The following ZMAT3 variants were observed in gnomAD, a reference collection of about 807,000 sequenced individuals.
ZMAT3 encodes zinc finger matrin-type protein 3.
ZMAT3 carries 17 observed loss-of-function variants against 32.3 expected under a neutral mutation model. That is an observed-to-expected ratio of 0.53 (90% CI 0.36 to 0.79). The LOEUF (loss-of-function observed/expected upper bound fraction) is 0.79, where lower values mean the gene tolerates loss of function less well. Among genes scored for constraint, ZMAT3 ranks in the 30% least tolerant of loss-of-function variants. ZMAT3 has a pLI of 0.00. For synonymous variants in ZMAT3, 120 were observed against 133.1 expected, an observed-to-expected ratio of 0.90 and a Z score of 0.68; for missense variants, 329 against 359.7, an observed-to-expected ratio of 0.91 and a Z score of 0.69.
At chr3:179,028,525 A>G (rs1447354243) in intron 3 of ZMAT3, among the ~76,000 whole-genome samples, 1 of 152,216 alleles carries the variant, frequency 6.6e-6, no homozygotes, top group Non-Finnish European at 1.5e-5. Context: ...AAACAGCATC[A>G]TTTCACTTGG....
intron 2 of ZMAT3, among the ~76,000 whole-genome samples, chr3:179,060,982 T>C (rs1721125279): frequency 6.6e-6 from 1 of 151,902 alleles, no homozygotes. Flanking sequence ...CTGTCAAACA[T>C]GAAGGCACAA....
At chr3:179,037,688 C>T (rs1215131278) in intron 2 of ZMAT3, among the ~76,000 whole-genome samples, 1 of 152,148 alleles carries the variant, frequency 6.6e-6, no homozygotes, top group African/African-American at 2.4e-5. Flanking sequence ...CCATTTCCTC[C>T]CGCTTGCTGA....
intron 2 of ZMAT3, among the ~76,000 whole-genome samples, chr3:179,043,546 TC>T (rs1238963601): frequency 2.0e-5 from 3 of 152,186 alleles, no homozygotes; most frequent in African/African-American, 7.2e-5. Context: ...CTGGATCCCT[TC>T]CTTACTCCTT....
At chr3:179,063,490 G>C (rs1340774726) in intron 2 of ZMAT3, among the ~76,000 whole-genome samples, 1 of 152,218 alleles carries the variant, frequency 6.6e-6, no homozygotes, top group Non-Finnish European at 1.5e-5. Flanking sequence ...AGAAAGCCAT[G>C]TTTATGACAA....
chr3:179,055,163 C>T (rs766005557), intron 2 of ZMAT3, among the ~76,000 whole-genome samples: 22 of 152,174 alleles, frequency 1.4e-4, no homozygotes, highest in East Asian at 3.9e-4. Flanking sequence ...AAGGCAAAAA[C>T]GCCCCTAAGA....
intron 2 of ZMAT3, among the ~76,000 whole-genome samples, chr3:179,041,902 T>C (rs1461619930): frequency 2.0e-5 from 3 of 152,004 alleles, no homozygotes; most frequent in African/African-American, 4.8e-5. Flanking sequence ...ATAAAGGGGA[T>C]GTCACCACCG....
Position 179,030,874 on chromosome 3 carries a change from T to A in ZMAT3, c.390+6A>T. The A allele has an allele frequency of 6.2e-7, 1 of 1,608,510 alleles. No individual in the cohort carries two copies. The highest frequency in any genetic ancestry group is 1.3e-5 in the African/African-American group (1 of 74,822). ...ATGCTGCTTCACCCTGACACACATG[T>A]CTCACCTGCGGAGGGACTGGAACAA... On this transcript the variant is annotated splice_donor_region_variant and intron_variant, in intron 3 of 5. Transcript: ENST00000311417.
At chr3:179,036,510 G>A (rs1226178135) in intron 2 of ZMAT3, among the ~76,000 whole-genome samples, 1 of 152,126 alleles carries the variant, frequency 6.6e-6, no homozygotes, top group Non-Finnish European at 1.5e-5. Flanking sequence ...AAAGGAGAAA[G>A]ACGCAGGAAC....
chr3:179,070,713 G>C (rs917756828), intron 1 of ZMAT3, among the ~76,000 whole-genome samples: 6 of 152,232 alleles, frequency 3.9e-5, no homozygotes, highest in African/African-American at 1.2e-4. Flanking sequence ...CAGTCACTTT[G>C]ATGCTTGCGA....
At chr3:179,031,035 C>A in intron 2 of ZMAT3, 36 bp from the exon 3 acceptor site, 1 of 1,570,050 alleles carries the variant, frequency 6.4e-7, no homozygotes, top group Non-Finnish European at 8.7e-7. Flanking sequence ...AGCAGTCCAC[C>A]CTTATCTGCA....
intron 2 of ZMAT3, among the ~76,000 whole-genome samples, chr3:179,052,997 G>A (rs1013101189): frequency 2.6e-5 from 4 of 151,850 alleles, no homozygotes; most frequent in African/African-American, 9.7e-5. Context: ...GCACAGTGGC[G>A]GGCATCTGTA....
rs1292552785 is a variant in ZMAT3, at chr3:179,032,007, CCCTCCT to C, written c.271-1014_271-1009del. Among the ~76,000 whole-genome samples, 4 of 20,134 alleles carry C rather than the reference CCCTCCT, an allele frequency of 2.0e-4. 2 individuals carry two copies. Among genetic ancestry groups the C allele is most frequent in the Admixed American group, 9.2e-4 (2 of 2,170 alleles). 13.2% of individuals were successfully genotyped at this position (20,134 alleles called of 152,430 possible). ...CTCCTCCCCCTCCTCCTCCCCCTCCCCCTCCTCCTCCCCCTCCCCCTCCACACAGCC... is the reference window on the plus strand; with the variant it reads ...CTCCTCCCCCTCCTCCTCCCCCTCCCCCTCCCCCTCCCCCTCCACACAGCC... On this transcript the variant is annotated intron_variant, in intron 2 of 5. Coordinates refer to ENST00000311417, the MANE Select transcript of ZMAT3 (RefSeq NM_022470.4).
At position 179,046,275 on chromosome 3, in the gene ZMAT3, T is replaced by G. The variant is rs1720231536; in HGVS notation, c.271-15276A>C. On this transcript the variant is annotated intron_variant, in intron 2 of 5. Transcript: ENST00000311417. This position sits in a 1 kb window ranked among gnomAD's most constrained non-coding sequence, Gnocchi z 4.3. ...GGTTAGATAGTATCAGGTATTTTATTTCCAAAGCAGCATCCCCAGTAGTAT... is the reference window on the plus strand; with the variant it reads ...GGTTAGATAGTATCAGGTATTTTATGTCCAAAGCAGCATCCCCAGTAGTAT... Among the ~76,000 whole-genome samples, 1 of 152,158 alleles carries G rather than the reference T, an allele frequency of 6.6e-6. No homozygotes were observed. Among genetic ancestry groups the G allele is most frequent in the South Asian group, 2.1e-4 (1 of 4,830 alleles).
Position 179,067,591 on chromosome 3 carries a change from C to G in ZMAT3, c.162G>C (p.Ser54=), listed in dbSNP as rs374634142. The part of the protein sequence containing the change: ...SLPLAGEEEL[S]KGGEQDCALE... The stretch of plus-strand genomic sequence containing the variant: ...GGGCACAGTCTTGCTCCCCTCCCTT[C>G]GATAACTCTTCTTCCCCTGCAAGAG... The change falls in exon 2 of 6, where the codon TCG becomes TCC. Residue 54 remains serine (S), a synonymous_variant. Transcript: ENST00000311417. 4 of 1,614,194 alleles carry G rather than the reference C, an allele frequency of 2.5e-6. No homozygotes were observed. The East Asian group carries it at 6.7e-5, about 27-fold the overall frequency.
chr3:179,041,798 G>GT (rs201275449), intron 2 of ZMAT3, among the ~76,000 whole-genome samples: 9,119 of 151,820 alleles, frequency 0.06, 378 homozygotes, highest in East Asian at 0.22. Context: ...TCCAGGAGCT[G>GT]TTTTTTTTAA....
rs1357370089 is a variant in ZMAT3, at chr3:179,019,839, G to A, written c.*5178C>T. ...ATACATAATTTTTCCCCTCTCTACAGAAGACAAGTTTGAAAATGACCACTA... is the reference window on the plus strand; with the variant it reads ...ATACATAATTTTTCCCCTCTCTACAAAAGACAAGTTTGAAAATGACCACTA... On this transcript the variant is annotated 3_prime_UTR_variant, in exon 6 of 6. Coordinates refer to ENST00000311417, the MANE Select transcript of ZMAT3 (RefSeq NM_022470.4). The A allele has an allele frequency of 6.6e-6, 1 of 152,032 alleles. No individual in the cohort carries two copies. The highest frequency in any genetic ancestry group is 2.4e-5 in the African/African-American group (1 of 41,402). 9.4% of individuals were successfully genotyped at this position (152,032 alleles called of 1,614,324 possible). A position where few individuals can be genotyped will look rare whatever the true frequency, so the allele number is the denominator to read the frequency against.
At chr3:179,033,893 C>T (rs1259508811) in intron 2 of ZMAT3, among the ~76,000 whole-genome samples, 1 of 152,206 alleles carries the variant, frequency 6.6e-6, no homozygotes, top group East Asian at 1.9e-4. Context: ...GGCTAAATAG[C>T]ACAGCCAAAG....
chr3:179,070,784 A>C (rs926721251), intron 1 of ZMAT3, among the ~76,000 whole-genome samples: 6 of 152,246 alleles, frequency 3.9e-5, no homozygotes, highest in African/African-American at 1.2e-4. Flanking sequence ...CTAAGACGAC[A>C]TTAAAGAAAA....
intron 2 of ZMAT3, among the ~76,000 whole-genome samples, chr3:179,039,724 T>C (rs1456728678): frequency 5.9e-5 from 9 of 152,138 alleles, no homozygotes; most frequent in African/African-American, 2.2e-4. Context: ...GGACAAAGAA[T>C]GACTCTGACG....
Sources: allele counts gnomAD v4.1 joint callset (sites outside exome capture counted in the v4.1 genomes callset), GRCh38; gene constraint gnomAD v4.1.1; non-coding constraint Gnocchi (gnomAD v3.1); transcripts MANE v1.5; gene names NCBI Gene and HGNC (gene_info 2026-07-23, HGNC 2026-07-21).